The following PCBP3 variants were observed in gnomAD, a reference collection of about 807,000 sequenced individuals.
The protein encoded by PCBP3 is poly(rC) binding protein 3.
In PCBP3, 25 loss-of-function variants were observed where a neutral mutation model predicts 52.7. The ratio of observed to expected loss-of-function variants is 0.47; its 90% CI spans 0.35 to 0.66. PCBP3 has a LOEUF of 0.66. PCBP3 is among the 30% of genes least tolerant of loss of function. The pLI is 0.01. For synonymous variants in PCBP3, 162 were observed against 183.0 expected (o/e 0.89, Z 0.93); for missense variants, 391 against 490.3 (o/e 0.80, Z 1.91).
intron 13 of PCBP3, among the ~76,000 whole-genome samples, chr21:45,929,222 C>T (rs1268397451): frequency 6.6e-6 from 1 of 152,170 alleles, no homozygotes; most frequent in African/African-American, 2.4e-5. Flanking sequence ...CTGCAGGGAC[C>T]GGGGACACAG....
intron 11 of PCBP3, among the ~76,000 whole-genome samples, chr21:45,913,475 G>A (rs930655699): frequency 5.9e-5 from 9 of 152,264 alleles, no homozygotes; most frequent in African/African-American, 9.6e-5. Flanking sequence ...CTGTGAAGCC[G>A]TGCAGCCAGG....
At chr21:45,661,666 A>G (rs937061379) in intron 1 of PCBP3, among the ~76,000 whole-genome samples, 1 of 152,228 alleles carries the variant, frequency 6.6e-6, no homozygotes, top group African/African-American at 2.4e-5. Context: ...TTGGGTAGAT[A>G]GCCAGTAGTG....
intron 5 of PCBP3, among the ~76,000 whole-genome samples, chr21:45,860,623 C>T (rs760301141): frequency 3.3e-5 from 5 of 152,206 alleles, no homozygotes; most frequent in Non-Finnish European, 7.3e-5. Flanking sequence ...GGAGGGACAC[C>T]GAAGCCCACC....
At chr21:45,941,642 C>A in intron 17 of PCBP3, 28 bp from the exon 18 acceptor site, 1 of 1,601,028 alleles carries the variant, frequency 6.2e-7, no homozygotes. Context: ...GTGACCGTCT[C>A]TCCCTCTCCT....
At chr21:45,671,421 T>C (rs1229983293) in intron 2 of PCBP3, among the ~76,000 whole-genome samples, 1 of 152,154 alleles carries the variant, frequency 6.6e-6, no homozygotes, top group Non-Finnish European at 1.5e-5. Context: ...CACTGTACAA[T>C]AGTGGAGCCA....
chr21:45,669,708 A>G (rs1009829854), intron 2 of PCBP3, among the ~76,000 whole-genome samples: 36 of 150,682 alleles, frequency 2.4e-4, no homozygotes, highest in Non-Finnish European at 4.6e-4. Flanking sequence ...TATTTAATGT[A>G]GCGTACTGTC....
chr21:45,718,942 A>C (rs1263332419), intron 2 of PCBP3, among the ~76,000 whole-genome samples: 1 of 152,234 alleles, frequency 6.6e-6, no homozygotes, highest in African/African-American at 2.4e-5. Flanking sequence ...AAAGAACAGC[A>C]GTGGAGAGCT....
At chr21:45,652,652 A>C (rs1324665874) in intron 1 of PCBP3, among the ~76,000 whole-genome samples, 1 of 152,100 alleles carries the variant, frequency 6.6e-6, no homozygotes, top group Non-Finnish European at 1.5e-5. Flanking sequence ...CATGTTGGCC[A>C]GGCTGGTCTC....
intron 5 of PCBP3, chr21:45,893,812 T>A: frequency 1.0e-6 from 1 of 985,418 alleles, no homozygotes. Context: ...ACGGGCTCCA[T>A]TCTGAGAAAC....
In PCBP3 at chr21:45,735,887, C is replaced by G. The variant is rs1393990528; in HGVS notation, c.-162+458C>G. Among the ~76,000 whole-genome samples, 1 of 152,224 alleles carries G rather than the reference C, an allele frequency of 6.6e-6. No individual in the cohort carries two copies. Among genetic ancestry groups the G allele is most frequent in the Non-Finnish European group, 1.5e-5 (1 of 68,032 alleles). ...GATGGCACCACAATGTCTGAAGCCA[C>G]ACAGTGCATGGGTGACATCTGTGGA... On this transcript the variant is annotated intron_variant, in intron 3 of 17. Coordinates refer to ENST00000681687, the MANE Select transcript of PCBP3 (RefSeq NM_001384156.1). This position sits in a 1 kb window ranked among gnomAD's most constrained non-coding sequence, Gnocchi z 4.0.
At chr21:45,860,620 C>T (rs1049514314) in intron 5 of PCBP3, among the ~76,000 whole-genome samples, 1 of 152,216 alleles carries the variant, frequency 6.6e-6, no homozygotes, top group Non-Finnish European at 1.5e-5. Context: ...CCTGGAGGGA[C>T]ACCGAAGCCC....
chr21:45,901,760 G>C (rs1419237219), intron 9 of PCBP3, among the ~76,000 whole-genome samples: 1 of 142,892 alleles, frequency 7.0e-6, no homozygotes, highest in African/African-American at 2.8e-5. Context: ...GAGAGACAGA[G>C]ACAGAGAGAG....
At chr21:45,842,629 T>C (rs1327573957) in intron 4 of PCBP3, among the ~76,000 whole-genome samples, 1 of 152,184 alleles carries the variant, frequency 6.6e-6, no homozygotes, top group Non-Finnish European at 1.5e-5. Flanking sequence ...GTCCTGGAAG[T>C]ATAGGTTATT....
intron 2 of PCBP3, among the ~76,000 whole-genome samples, chr21:45,712,264 C>T (rs1008932646): frequency 1.3e-5 from 2 of 152,086 alleles, no homozygotes; most frequent in Non-Finnish European, 2.9e-5. Context: ...GGGCAAATAC[C>T]AGGGAGCACA....
chr21:45,932,885 C>T (rs939370362), intron 15 of PCBP3, among the ~76,000 whole-genome samples: 2 of 151,522 alleles, frequency 1.3e-5, no homozygotes, highest in Non-Finnish European at 2.9e-5. Context: ...CTGGTCCATG[C>T]CGTCATGAGA....
intron 4 of PCBP3, among the ~76,000 whole-genome samples, chr21:45,847,845 C>T (rs963278990): frequency 1.3e-5 from 2 of 152,094 alleles, no homozygotes; most frequent in Admixed American, 6.5e-5. Context: ...TTCAACTTGT[C>T]GATTATTTTT....
rs1193683092 is a variant in PCBP3, at chr21:45,705,233, G to A, written c.-199-30159G>A. ...GTGGAGACTGGCTGTGTCAGCCACT[G>A]AGGCCAAGTGAGGGCTGTTGCTGTT... On this transcript the variant is annotated intron_variant, in intron 2 of 17. Transcript: ENST00000681687. Among the ~76,000 whole-genome samples, 3 of 152,190 alleles carry A rather than the reference G, an allele frequency of 2.0e-5. No homozygotes were observed. In the East Asian group the frequency reaches 5.8e-4, roughly 29 times the overall value.
chr21:45,939,757 G>T (rs1434873806), intron 16 of PCBP3, among the ~76,000 whole-genome samples: 2 of 152,206 alleles, frequency 1.3e-5, no homozygotes, highest in Admixed American at 6.5e-5. Context: ...CTCTTGGCTG[G>T]GTGGGCCTCC....
rs144615254 is a variant in PCBP3, at chr21:45,827,388, C to T, written c.-125-22573C>T. Among the ~76,000 whole-genome samples the T allele has an allele frequency of 5.8e-3, 886 of 152,312 alleles. 5 individuals carry two copies. The highest frequency in any genetic ancestry group is 8.6e-3 in the Non-Finnish European group (585 of 68,034). On this transcript the variant is annotated intron_variant, in intron 4 of 17. Coordinates refer to ENST00000681687, the MANE Select transcript of PCBP3 (RefSeq NM_001384156.1). The surrounding 1 kb of genome is among the most constrained non-coding windows in gnomAD (Gnocchi z 4.3). ...GGTTTCAACTGCAGGTCCTCACACA[C>T]GCCAAGAACCAGGAAGACTCCAGTT...
Sources: allele counts gnomAD v4.1 joint callset (sites outside exome capture counted in the v4.1 genomes callset), GRCh38; gene constraint gnomAD v4.1.1; non-coding constraint Gnocchi (gnomAD v3.1); transcripts MANE v1.5; gene names NCBI Gene and HGNC (gene_info 2026-07-23, HGNC 2026-07-21).